The following R3HDM1 variants were observed in gnomAD, a reference collection of about 807,000 sequenced individuals.
R3HDM1 encodes the protein R3H domain containing 1.
A neutral mutation model predicts 141.1 loss-of-function variants in R3HDM1; 46 were observed. The observed-to-expected ratio is 0.33, with a 90% confidence interval of 0.26 to 0.42. R3HDM1 has a LOEUF of 0.42. R3HDM1 is among the 10% of genes least tolerant of loss of function. The pLI is 1.00. For synonymous variants in R3HDM1, 435 were observed against 472.9 expected (o/e 0.92, Z 1.04); for missense variants, 1,184 against 1,368.3 (o/e 0.87, Z 2.12).
chr2:135,630,075 C>T (rs1052624036), intron 7 of R3HDM1, among the ~76,000 whole-genome samples: 2 of 150,034 alleles, frequency 1.3e-5, no homozygotes, highest in Admixed American at 6.6e-5. Context: ...AAAAAACCTT[C>T]GAGACCAGCC....
chr2:135,564,542 C>T (rs1189311059), intron 1 of R3HDM1, among the ~76,000 whole-genome samples: 1 of 152,164 alleles, frequency 6.6e-6, no homozygotes, highest in Non-Finnish European at 1.5e-5. Flanking sequence ...TGGTCTTAAA[C>T]TCCTGACCTC....
intron 21 of R3HDM1, among the ~76,000 whole-genome samples, chr2:135,704,008 TCTTG>T (rs1363293435): frequency 9.9e-5 from 15 of 152,134 alleles, no homozygotes; most frequent in Non-Finnish European, 4.4e-5. Context: ...AGAGACAGAG[TCTTG>T]CTCTGTTGCC....
At chr2:135,647,139 A>C (rs917080911) in intron 16 of R3HDM1, among the ~76,000 whole-genome samples, 3 of 152,230 alleles carry the variant, frequency 2.0e-5, no homozygotes, top group African/African-American at 7.2e-5. Context: ...CAGTTAATGT[A>C]TGTAGAAGAG....
intron 26 of R3HDM1, 27 bp from the exon 27 acceptor site, chr2:135,723,910 A>ATTGAT (rs1056466257): frequency 6.4e-7 from 1 of 1,558,538 alleles, no homozygotes; most frequent in African/African-American, 1.4e-5. Flanking sequence ...ACAGGAATGT[A>ATTGAT]TTGATTCTGT....
chr2:135,591,757 G>A (rs1382446327), intron 1 of R3HDM1, among the ~76,000 whole-genome samples: 1 of 152,160 alleles, frequency 6.6e-6, no homozygotes, highest in Non-Finnish European at 1.5e-5. Context: ...GGTTCCCTCA[G>A]ACTTAATTGA....
intron 1 of R3HDM1, chr2:135,587,118 C>G (rs983308655): frequency 2.1e-6 from 1 of 486,576 alleles, no homozygotes; most frequent in Admixed American, 6.4e-5. Flanking sequence ...AGAGCAAATG[C>G]TAATCAAACT....
At chr2:135,571,468 T>A (rs1002075340) in intron 1 of R3HDM1, among the ~76,000 whole-genome samples, 2 of 149,350 alleles carry the variant, frequency 1.3e-5, no homozygotes, top group African/African-American at 5.0e-5. Flanking sequence ...TGGGACTACA[T>A]GCGCACACCA....
chr2:135,714,626 C>G (rs930487462), intron 23 of R3HDM1, among the ~76,000 whole-genome samples: 5 of 152,052 alleles, frequency 3.3e-5, no homozygotes, highest in Non-Finnish European at 7.4e-5. Flanking sequence ...GGCTTTTATT[C>G]TACTTTGATT....
chr2:135,701,014 T>A (rs1009339201), intron 21 of R3HDM1, among the ~76,000 whole-genome samples: 5 of 152,002 alleles, frequency 3.3e-5, no homozygotes, highest in African/African-American at 4.8e-5. Flanking sequence ...TTAGGCACAG[T>A]GATAGATTAA....
chr2:135,625,910 T>C (rs1000388450), intron 7 of R3HDM1, among the ~76,000 whole-genome samples: 1 of 152,140 alleles, frequency 6.6e-6, no homozygotes, highest in Non-Finnish European at 1.5e-5. Context: ...TCTGTATCCT[T>C]TATAATAAAC....
chr2:135,628,797 G>A (rs1437426248), intron 7 of R3HDM1, among the ~76,000 whole-genome samples: 2 of 151,912 alleles, frequency 1.3e-5, no homozygotes, highest in Non-Finnish European at 2.9e-5. Flanking sequence ...GGCTATTTTT[G>A]TATTTTTAGT....
intron 15 of R3HDM1, among the ~76,000 whole-genome samples, chr2:135,642,762 A>C (rs963258993): frequency 2.4e-4 from 36 of 152,260 alleles, no homozygotes; most frequent in African/African-American, 7.7e-4. Context: ...TTGTAGTAGA[A>C]AAATCATGGC....
intron 21 of R3HDM1, among the ~76,000 whole-genome samples, chr2:135,689,109 C>CA (rs1187861710): frequency 1.3e-5 from 2 of 152,196 alleles, no homozygotes. Flanking sequence ...GCCTGAGCAA[C>CA]ATTATTTTTT....
At chr2:135,723,056 C>T (rs1005885762) in intron 26 of R3HDM1, among the ~76,000 whole-genome samples, 1 of 152,082 alleles carries the variant, frequency 6.6e-6, no homozygotes, top group East Asian at 1.9e-4. Context: ...CTGTACAATG[C>T]CTCTTTTTAT....
At chr2:135,664,897 T>C (rs2067266458) in intron 19 of R3HDM1, among the ~76,000 whole-genome samples, 1 of 152,200 alleles carries the variant, frequency 6.6e-6, no homozygotes, top group Non-Finnish European at 1.5e-5. Context: ...TTGTAACTGG[T>C]GTTAGGCATA....
chr2:135,670,199 A>T, intron 19 of R3HDM1: 2 of 485,724 alleles, frequency 4.1e-6, no homozygotes, highest in Non-Finnish European at 5.4e-6. Flanking sequence ...TGAAGCAAAG[A>T]TAATTATATT....
At chr2:135,607,935 G>T in intron 3 of R3HDM1, 1 of 984,014 alleles carries the variant, frequency 1.0e-6, no homozygotes, top group Non-Finnish European at 1.2e-6. Flanking sequence ...TAACGATTTG[G>T]AAGGAGGGAA....
chr2:135,535,138 A>C (rs1232215779), intron 1 of R3HDM1, among the ~76,000 whole-genome samples: 1 of 152,216 alleles, frequency 6.6e-6, no homozygotes, highest in Non-Finnish European at 1.5e-5. Flanking sequence ...AAACCACAGA[A>C]TCAATACTCT....
At chr2:135,633,706 C>T (rs1020408946) in intron 9 of R3HDM1, 3 of 152,126 alleles carry the variant, frequency 2.0e-5, no homozygotes, top group East Asian at 1.9e-4. Flanking sequence ...GGAGATTACC[C>T]GCTCCAGCCT....
Sources: gnomAD v4.1 joint callset for allele counts (sites outside exome capture counted in the v4.1 genomes callset) on GRCh38, gnomAD v4.1.1 for gene constraint, MANE v1.5 for transcripts, NCBI Gene and HGNC (gene_info 2026-07-23, HGNC 2026-07-21) for gene names.